Variants in KIAA1328 observed in about 807,000 individuals in gnomAD.
The protein encoded by KIAA1328 is protein hinderin.
Under a neutral mutation model 68.1 loss-of-function variants are expected in KIAA1328, and 52 were observed. That is an observed-to-expected ratio of 0.76 (90% confidence interval 0.61 to 0.96). The LOEUF is 0.96. KIAA1328 is among the 40% of genes least tolerant of loss of function. The pLI is 0.00. For missense variants in KIAA1328, 641 were observed against 677.6 expected, an observed-to-expected ratio of 0.95 and a Z score of 0.60; for synonymous variants, 232 against 239.4, an observed-to-expected ratio of 0.97 and a Z score of 0.28.
intron 6 of KIAA1328, among the ~76,000 whole-genome samples, chr18:37,046,407 G>T (rs564153862): frequency 1.3e-5 from 2 of 152,208 alleles, no homozygotes; most frequent in South Asian, 4.1e-4. Flanking sequence ...TTTTGAACAG[G>T]TTCTCTCTTT....
intron 6 of KIAA1328, among the ~76,000 whole-genome samples, chr18:37,023,685 G>T (rs964810982): frequency 6.6e-6 from 1 of 152,162 alleles, no homozygotes; most frequent in Non-Finnish European, 1.5e-5. Flanking sequence ...CAGCTGACAA[G>T]GATTGTATGT....
At chr18:37,139,323 A>T (rs1279281140) in intron 7 of KIAA1328, among the ~76,000 whole-genome samples, 1 of 152,158 alleles carries the variant, frequency 6.6e-6, no homozygotes. Flanking sequence ...GGTCCATTGC[A>T]GAGAAATATG....
intron 6 of KIAA1328, among the ~76,000 whole-genome samples, chr18:37,031,855 G>T (rs1249103849): frequency 6.6e-6 from 1 of 151,904 alleles, no homozygotes; most frequent in African/African-American, 2.4e-5. Context: ...TTCCAGGTTT[G>T]CAATATGAAC....
At chr18:37,118,789 G>A (rs191536243) in intron 7 of KIAA1328, among the ~76,000 whole-genome samples, 4 of 152,246 alleles carry the variant, frequency 2.6e-5, no homozygotes, top group Middle Eastern at 3.4e-3. Flanking sequence ...TGGGGAAATG[G>A]TTAGTTGGAG....
intron 9 of KIAA1328, among the ~76,000 whole-genome samples, chr18:37,180,636 C>CA (rs1432203187): frequency 1.0e-4 from 2 of 20,038 alleles, no homozygotes; most frequent in Non-Finnish European, 1.6e-4. Context: ...GTAACAAAAC[C>CA]GTTTTTTTTT....
intron 7 of KIAA1328, among the ~76,000 whole-genome samples, chr18:37,143,702 A>C (rs2058831690): frequency 6.6e-6 from 1 of 151,916 alleles, no homozygotes; most frequent in Admixed American, 6.6e-5. Flanking sequence ...AAATTGAAAT[A>C]AGTTTCCTTT....
At chr18:36,889,397 C>T (rs1479589889) in intron 5 of KIAA1328, among the ~76,000 whole-genome samples, 2 of 152,148 alleles carry the variant, frequency 1.3e-5, no homozygotes, top group East Asian at 3.9e-4. Flanking sequence ...AATATTTAAG[C>T]TAATTGTATT....
At chr18:37,045,250 A>C (rs1008462967) in intron 6 of KIAA1328, among the ~76,000 whole-genome samples, 1 of 152,178 alleles carries the variant, frequency 6.6e-6, no homozygotes. Flanking sequence ...GGCTGCTAGA[A>C]ATTTTTGCAA....
At chr18:36,972,033 A>G (rs775163869) in intron 6 of KIAA1328, among the ~76,000 whole-genome samples, 1 of 152,272 alleles carries the variant, frequency 6.6e-6, no homozygotes, top group African/African-American at 2.4e-5. Context: ...AAATACATGC[A>G]GTATTCATGA....
At chr18:36,984,234 A>C (rs1176659937) in intron 6 of KIAA1328, among the ~76,000 whole-genome samples, 3 of 152,196 alleles carry the variant, frequency 2.0e-5, no homozygotes, top group Non-Finnish European at 2.9e-5. Context: ...TCTATTCAAC[A>C]TTGTACTGAA....
Position 37,222,758 on chromosome 18 carries a change from C to G in KIAA1328, c.*531C>G, listed in dbSNP as rs993827368. ...AAGTTGGAGTTGGTGCCCCTGCCATCACAAACAACACGAGAGCCAATTGTG... is the reference window on the plus strand; with the variant it reads ...AAGTTGGAGTTGGTGCCCCTGCCATGACAAACAACACGAGAGCCAATTGTG... On this transcript the variant is annotated 3_prime_UTR_variant, in exon 10 of 10. Transcript: ENST00000280020. 2 of 995,790 alleles carry G rather than the reference C, an allele frequency of 2.0e-6. No homozygotes were observed. Among genetic ancestry groups the G allele is most frequent in the Non-Finnish European group, 2.4e-6 (2 of 836,792 alleles). 61.7% of individuals were successfully genotyped at this position (995,790 alleles called of 1,614,324 possible).
chr18:37,123,130 G>T (rs1268600731), intron 7 of KIAA1328, among the ~76,000 whole-genome samples: 3 of 152,110 alleles, frequency 2.0e-5, no homozygotes, highest in African/African-American at 7.2e-5. Flanking sequence ...TTCACAGGAT[G>T]GCTGTGAGAC....
At chr18:37,094,342 T>C (rs1182378663) in intron 7 of KIAA1328, among the ~76,000 whole-genome samples, 2 of 151,426 alleles carry the variant, frequency 1.3e-5, no homozygotes, top group East Asian at 1.9e-4. Flanking sequence ...TGGAATGATA[T>C]ATTCAAAGTG....
chr18:36,843,784 C>G (rs2046937222), intron 3 of KIAA1328, among the ~76,000 whole-genome samples: 1 of 152,110 alleles, frequency 6.6e-6, no homozygotes, highest in Admixed American at 6.6e-5. Flanking sequence ...GTTTAGTACT[C>G]TTTGGGATGA....
At chr18:37,085,973 T>C (rs1450020097) in intron 7 of KIAA1328, among the ~76,000 whole-genome samples, 1 of 152,214 alleles carries the variant, frequency 6.6e-6, no homozygotes. Flanking sequence ...TTTTGTATAA[T>C]TATTTTCTCT....
intron 8 of KIAA1328, among the ~76,000 whole-genome samples, chr18:37,161,786 T>G (rs1014697058): frequency 3.3e-5 from 5 of 152,208 alleles, no homozygotes; most frequent in African/African-American, 1.2e-4. Flanking sequence ...AGCACTAAGA[T>G]AAAATGGCAA....
At chr18:36,989,229 A>G (rs1300394131) in intron 6 of KIAA1328, among the ~76,000 whole-genome samples, 2 of 152,212 alleles carry the variant, frequency 1.3e-5, no homozygotes, top group African/African-American at 4.8e-5. Context: ...GGGTGCTTTG[A>G]GAATAAAAAT....
chr18:36,872,339 G>A (rs576684210), intron 4 of KIAA1328, among the ~76,000 whole-genome samples: 4 of 152,074 alleles, frequency 2.6e-5, no homozygotes, highest in Non-Finnish European at 4.4e-5. Flanking sequence ...CCTCAACCAG[G>A]ACCCCCACCA....
intron 5 of KIAA1328, among the ~76,000 whole-genome samples, chr18:36,931,224 C>T (rs2050297802): frequency 6.6e-6 from 1 of 152,046 alleles, no homozygotes; most frequent in Admixed American, 6.5e-5. Flanking sequence ...GTCCCCAGCC[C>T]CTGGGCTGCA....
Sources: allele counts gnomAD v4.1 joint callset (sites outside exome capture counted in the v4.1 genomes callset), GRCh38; gene constraint gnomAD v4.1.1; transcripts MANE v1.5; gene names NCBI Gene and HGNC (gene_info 2026-07-23, HGNC 2026-07-21).